BRCA2: variants seen among roughly 807,000 people sequenced by gnomAD.
BRCA2 encodes the protein breast cancer type 2 susceptibility protein.
A neutral mutation model predicts 276.7 loss-of-function variants in BRCA2; 203 were observed. That is an observed-to-expected ratio of 0.73 (90% CI 0.65 to 0.82). BRCA2 has a LOEUF of 0.82. BRCA2 is among the 40% of genes least tolerant of loss of function. The probability of loss-of-function intolerance (pLI) is 0.00; values close to 1 mark genes in which losing one functional copy is unlikely to be tolerated. For missense variants in BRCA2, 3,920 were observed against 3,915.0 expected, an observed-to-expected ratio of 1.00 and a Z score of -0.03; for synonymous variants, 1,289 against 1,338.4, an observed-to-expected ratio of 0.96 and a Z score of 0.81.
At position 32,368,440 on chromosome 13, in the gene BRCA2, T is replaced by G. The variant is rs1339528288; in HGVS notation, c.8332-1962T>G. Among the ~76,000 whole-genome samples, 4 of 152,316 alleles carry G rather than the reference T, an allele frequency of 2.6e-5. No individual in the cohort carries two copies. The East Asian group carries it at 7.7e-4, about 29-fold the overall frequency. On this transcript the variant is annotated intron_variant, in intron 18 of 26. Transcript: ENST00000380152. ...TTTTTTTGTGACATTCAGTTCTTGT[T>G]TCATAGATACAGTATCTTCTCATCT... is the stretch of plus-strand genomic sequence containing the variant.
At chr13:32,388,563 A>T (rs2072977183) in intron 24 of BRCA2, among the ~76,000 whole-genome samples, 1 of 152,056 alleles carries the variant, frequency 6.6e-6, no homozygotes, top group African/African-American at 2.4e-5. Flanking sequence ...CTTGCGTTAG[A>T]TGATTTTGCT....
intron 10 of BRCA2, among the ~76,000 whole-genome samples, chr13:32,333,765 C>G (rs2072428576): frequency 6.6e-6 from 1 of 152,124 alleles, no homozygotes; most frequent in Non-Finnish European, 1.5e-5. Flanking sequence ...CTCTCCTTCC[C>G]CCCACACACC....
chr13:32,371,191 G>A, intron 20 of BRCA2, 91 bp downstream of exon 20: 2 of 1,389,328 alleles, frequency 1.4e-6, no homozygotes, highest in East Asian at 2.4e-5. Flanking sequence ...TGAGTAAATT[G>A]TTTTTATTTT....
chr13:32,361,333 T>A (rs1219473278), intron 16 of BRCA2, among the ~76,000 whole-genome samples: 2 of 152,168 alleles, frequency 1.3e-5, no homozygotes, highest in East Asian at 1.9e-4. Flanking sequence ...ACATTACTAA[T>A]GTTATTAAAA....
chr13:32,350,023 C>A (rs568360713), intron 13 of BRCA2, among the ~76,000 whole-genome samples: 7 of 152,200 alleles, frequency 4.6e-5, no homozygotes, highest in African/African-American at 1.7e-4. Flanking sequence ...CTCCCCTCAC[C>A]AAGCCCTTTT....
In BRCA2 at chr13:32,356,449, A is replaced by G. The variant is rs786203755; in HGVS notation, c.7457A>G (p.Asn2486Ser). ...ATAGATTTAATTACAAGTCTTCAGAATGCCAGAGATATACAGGATATGCGA... is the reference window on the plus strand; with the variant it reads ...ATAGATTTAATTACAAGTCTTCAGAGTGCCAGAGATATACAGGATATGCGA... The part of the protein sequence containing the change: ...EPLDLITSLQ[N>S]ARDIQDMRIK... The change falls in exon 15 of 27, where the codon AAT becomes AGT. Residue 2486 changes from asparagine (N) to serine (S), a missense_variant. Asn to Ser is a conservative substitution (Grantham distance 46). Transcript: ENST00000380152. The G allele has an allele frequency of 6.2e-7, 1 of 1,613,926 alleles. No individual in the cohort carries two copies. The highest frequency in any genetic ancestry group is 1.3e-5 in the African/African-American group (1 of 75,052).
chr13:32,368,818 TG>T (rs1566248009), intron 18 of BRCA2, among the ~76,000 whole-genome samples: 1 of 138,374 alleles, frequency 7.2e-6, no homozygotes, highest in East Asian at 2.4e-4. Context: ...TGGTTTTTTT[TG>T]TTTTTTTTTT....
At chr13:32,327,110 C>CT (rs1302673743) in intron 7 of BRCA2, among the ~76,000 whole-genome samples, 1 of 152,204 alleles carries the variant, frequency 6.6e-6, no homozygotes, top group African/African-American at 2.4e-5. Flanking sequence ...ACTGTAAACT[C>CT]TTTGCAGTCT....
At chr13:32,346,295 GGTT>G (rs1190813755) in intron 12 of BRCA2, among the ~76,000 whole-genome samples, 1 of 151,422 alleles carries the variant, frequency 6.6e-6, no homozygotes, top group Non-Finnish European at 1.5e-5. Flanking sequence ...CTTGTTTATT[GGTT>G]GTTGTTTACT....
At chr13:32,378,384 C>A (rs2072887958) in intron 21 of BRCA2, among the ~76,000 whole-genome samples, 1 of 152,148 alleles carries the variant, frequency 6.6e-6, no homozygotes, top group African/African-American at 2.4e-5. Flanking sequence ...CTTTGTAATT[C>A]TTTGAGGAGA....
intron 15 of BRCA2, among the ~76,000 whole-genome samples, chr13:32,357,086 A>G (rs1476445683): frequency 6.6e-6 from 1 of 152,214 alleles, no homozygotes; most frequent in East Asian, 1.9e-4. Flanking sequence ...TGCTCTTCTA[A>G]GCACTTCACA....
chr13:32,351,120 C>A lies in BRCA2; in HGVS notation c.7008-3741C>A, dbSNP rs1853521. 0.2 allele frequency among the ~76,000 whole-genome samples: 31,102 copies of A among 152,132 alleles called. 3,379 individuals are homozygous for A. Among genetic ancestry groups the A allele is most frequent in the African/African-American group, 0.25 (10,326 of 41,482 alleles). On this transcript the variant is annotated intron_variant, in intron 13 of 26. Coordinates refer to ENST00000380152, the MANE Select transcript of BRCA2 (RefSeq NM_000059.4). ...ACCTGAGCCAGCCCCAGCAGCCGCT[C>A]GGCTCCACTTCCATGCCATGGAATC...
chr13:32,398,031 A>G, intron 26 of BRCA2, 131 bp from the exon 27 acceptor site: 2 of 882,100 alleles, frequency 2.3e-6, no homozygotes, highest in Admixed American at 5.3e-5. Context: ...CACCTAACCT[A>G]TTAGGAGTTA....
Position 32,398,190 on chromosome 13 carries a change from A to G in BRCA2, c.9677A>G (p.Tyr3226Cys), listed in dbSNP as rs80359237. The part of the protein sequence containing the change: ...LMSSPNCEIY[Y>C]QSPLSLCMAK... ...TCTTCTCCTAATTGTGAGATATATT[A>G]TCAAAGTCCTTTATCACTTTGTATG... Residue 3226 changes from tyrosine (Y) to cysteine (C), a missense_variant, in exon 27 of 27, where the codon TAT (tyrosine) becomes TGT (cysteine). Coordinates refer to ENST00000380152, the MANE Select transcript of BRCA2 (RefSeq NM_000059.4). The G allele has an allele frequency of 8.7e-6, 14 of 1,611,290 alleles. No homozygotes were observed. In the African/African-American group the frequency reaches 1.7e-4, roughly 20 times the overall value.
At position 32,336,861 on chromosome 13, in the gene BRCA2, C is replaced by T. The variant is rs1593897105; in HGVS notation, c.2506C>T (p.Pro836Ser). 1 of 1,609,968 alleles carries T rather than the reference C, an allele frequency of 6.2e-7. No homozygotes were observed. The highest frequency in any genetic ancestry group is 8.5e-7 in the Non-Finnish European group (1 of 1,179,118). ...TTATAAAAACGTTGAGCTGTTGCCA[C>T]CTGAAAAATACATGAGAGTAGCATC... ...ENYKNVELLP[P>S]EKYMRVASPS... The change falls in exon 11 of 27, where the codon CCT becomes TCT. Residue 836 changes from proline (P) to serine (S), a missense_variant. Transcript: ENST00000380152.
intron 13 of BRCA2, among the ~76,000 whole-genome samples, chr13:32,348,590 A>G (rs1185818544): frequency 6.6e-6 from 1 of 152,220 alleles, no homozygotes; most frequent in Admixed American, 6.5e-5. Flanking sequence ...TCCAACCTAG[A>G]ATCTGAATTA....
chr13:32,376,535 A>AAG, intron 20 of BRCA2, 135 bp from the exon 21 acceptor site: 1 of 1,016,080 alleles, frequency 9.8e-7, no homozygotes, highest in African/African-American at 1.7e-5. Context: ...AAAAAAAAAA[A>AAG]GAAAAAACTT....
intron 18 of BRCA2, 22 bp downstream of exon 18, chr13:32,363,555 G>C: frequency 3.2e-6 from 5 of 1,587,096 alleles, no homozygotes; most frequent in Non-Finnish European, 4.3e-6. Context: ...TGCACTCTTG[G>C]TAAAAATCAG....
At chr13:32,381,020 T>C (rs1291742490) in intron 24 of BRCA2, among the ~76,000 whole-genome samples, 1 of 152,206 alleles carries the variant, frequency 6.6e-6, no homozygotes. Flanking sequence ...TGGTGAGTTA[T>C]GTTTTAGTGC....
Sources: allele counts gnomAD v4.1 joint callset (sites outside exome capture counted in the v4.1 genomes callset), GRCh38; gene constraint gnomAD v4.1.1; transcripts MANE v1.5; gene names NCBI Gene and HGNC (gene_info 2026-07-23, HGNC 2026-07-21).